MICALL1: variants seen among roughly 807,000 people sequenced by gnomAD.
MICALL1 encodes the protein MICAL-like protein 1.
Under a neutral mutation model 83.7 loss-of-function variants are expected in MICALL1, and 61 were observed. The ratio of observed to expected loss-of-function variants is 0.73; its 90% CI spans 0.59 to 0.90. The LOEUF (loss-of-function observed/expected upper bound fraction) is 0.90. MICALL1 is among the 40% of genes least tolerant of loss of function. The pLI, the probability that MICALL1 is intolerant of heterozygous loss-of-function variation, is 0.00. For synonymous variants in MICALL1, 481 were observed against 473.6 expected (o/e 1.02, Z -0.20); for missense variants, 1,066 against 1,152.0 (o/e 0.93, Z 1.08).
intron 13 of MICALL1, among the ~76,000 whole-genome samples, chr22:37,934,930 T>G (rs1250192879): frequency 1.4e-5 from 2 of 146,428 alleles, no homozygotes; most frequent in Non-Finnish European, 1.5e-5. Context: ...ATTTATTTAT[T>G]TATTTTTATT....
At chr22:37,939,878 CAGA>C (rs924864046) in intron 15 of MICALL1, among the ~76,000 whole-genome samples, 17 of 150,612 alleles carry the variant, frequency 1.1e-4, no homozygotes, top group African/African-American at 4.2e-4. Flanking sequence ...CGCCTGAGGT[CAGA>C]AGTTTGAGAT....
At position 37,906,503 on chromosome 22, in the gene MICALL1, G is replaced by A; in HGVS notation, c.81G>A (p.Leu27=). The A allele has an allele frequency of 8.0e-7, 1 of 1,257,016 alleles. No homozygotes were observed. Among genetic ancestry groups the A allele is most frequent in the Non-Finnish European group, 1.0e-6 (1 of 989,368 alleles). 77.9% of individuals were successfully genotyped at this position (1,257,016 alleles called of 1,614,324 possible). ...EGYRGVEIRD[L]SSSFRDGLAF... is the part of the protein sequence containing the mutation. ...ACCGCGGCGTGGAGATCCGCGACCT[G>A]AGCAGCTCCTTCCGGGACGGCCTGG... Residue 27 remains leucine (L), a synonymous_variant, in exon 1 of 16, where the codon CTG becomes CTA. Coordinates refer to ENST00000215957, the MANE Select transcript of MICALL1 (RefSeq NM_033386.4). This position sits in a 1 kb window ranked among gnomAD's most constrained non-coding sequence, Gnocchi z 4.4.
chr22:37,934,356 G>A (rs1929967198), intron 13 of MICALL1, among the ~76,000 whole-genome samples: 1 of 152,164 alleles, frequency 6.6e-6, no homozygotes, highest in African/African-American at 2.4e-5. Flanking sequence ...ATGTCCCTGA[G>A]TCTCAGTTTC....
Position 37,941,037 on chromosome 22 carries a change from C to A in MICALL1, c.*207C>A. On this transcript the variant is annotated 3_prime_UTR_variant, in exon 16 of 16. Transcript: ENST00000215957. Reference sequence around the variant, plus strand: ...TCTTGTTTCTTCTCCGAGCCCCAGGCAGCGGTGATTCAGCCCTGCCCAACC... The same window carrying A: ...TCTTGTTTCTTCTCCGAGCCCCAGGAAGCGGTGATTCAGCCCTGCCCAACC... 1.7e-6 allele frequency: 1 copy of A among 577,286 alleles called. No individual in the cohort carries two copies. The highest frequency in any genetic ancestry group is 2.9e-6 in the Non-Finnish European group (1 of 343,848). The allele number at this position is 577,286 out of a possible 1,614,324, so 35.8% of individuals were successfully genotyped here. A position where few individuals can be genotyped will look rare whatever the true frequency, so the allele number is the denominator to read the frequency against.
chr22:37,916,397 C>T (rs1928679698), intron 3 of MICALL1, among the ~76,000 whole-genome samples: 1 of 152,170 alleles, frequency 6.6e-6, no homozygotes, highest in Admixed American at 6.6e-5. Context: ...CCCCTAAATG[C>T]AAACCATTTT....
chr22:37,911,877 T>TTCTGAC, intron 1 of MICALL1, 75 bp from the exon 2 acceptor site: 2 of 1,465,310 alleles, frequency 1.4e-6, no homozygotes, highest in East Asian at 4.5e-5. Flanking sequence ...TTCAGCTCCT[T>TTCTGAC]TCTGACTCTG....
rs770076334 is a variant in MICALL1 at position 37,932,702 on chromosome 22, C to T, written c.2143+23C>T. The T allele has an allele frequency of 6.2e-7, 1 of 1,612,322 alleles. No individual in the cohort carries two copies. The highest frequency in any genetic ancestry group is 8.5e-7 in the Non-Finnish European group (1 of 1,179,414). ...ATGGTGCGGGAGCGGCTGGGAGGGC[C>T]TGCTGGGTGGGGCTGGGGGCAGGAG... On this transcript the variant is annotated intron_variant, in intron 11 of 15. Coordinates refer to ENST00000215957, the MANE Select transcript of MICALL1 (RefSeq NM_033386.4). The surrounding 1 kb of genome is among the most constrained non-coding windows in gnomAD (Gnocchi z 4.4).
chr22:37,933,321 GAGAAGGA>G (rs906287595), intron 13 of MICALL1, among the ~76,000 whole-genome samples: 2 of 152,170 alleles, frequency 1.3e-5, no homozygotes, highest in Non-Finnish European at 1.5e-5. Flanking sequence ...GCTGTGGTAG[GAGAAGGA>G]ACCGCACAGA....
rs772119393 is a variant in MICALL1 at position 37,932,994 on chromosome 22, G to A, written c.2235-45G>A. On this transcript the variant is annotated intron_variant, in intron 12 of 15. Coordinates refer to ENST00000215957, the MANE Select transcript of MICALL1 (RefSeq NM_033386.4). This position sits in a 1 kb window ranked among gnomAD's most constrained non-coding sequence, Gnocchi z 4.4. ...GTAACAGCGCAGGGCAGGGCAGCCG[G>A]GGCTCGGGCAGAATTGTTAAGAGTC... 13 of 1,613,434 alleles carry A rather than the reference G, an allele frequency of 8.1e-6. No individual in the cohort carries two copies. Among genetic ancestry groups the A allele is most frequent in the Middle Eastern group, 3.3e-4 (2 of 6,082 alleles).
chr22:37,910,934 G>A (rs752815847), intron 1 of MICALL1, among the ~76,000 whole-genome samples: 5 of 152,224 alleles, frequency 3.3e-5, no homozygotes, highest in African/African-American at 7.2e-5. Context: ...GAGGCGGCGT[G>A]GCCTGCTCTT....
In MICALL1 at chr22:37,925,708, C is replaced by T; in HGVS notation, c.1130C>T (p.Ala377Val). ...KDPPWITLVQ[A>V]EPKKKPAPLP... ...CCCCCATGGATCACGCTGGTGCAGG[C>T]AGAACCAAAGAAGAAGCCAGCCCCA... Residue 377 changes from alanine to valine, a missense_variant, in exon 8 of 16, where the codon GCA becomes GTA. By Grantham distance (64) the Ala-to-Val change is moderately conservative. Coordinates refer to ENST00000215957, the MANE Select transcript of MICALL1 (RefSeq NM_033386.4). The T allele has an allele frequency of 1.9e-6, 3 of 1,610,806 alleles. No individual in the cohort carries two copies. Among genetic ancestry groups the T allele is most frequent in the Non-Finnish European group, 2.5e-6 (3 of 1,179,410 alleles).
chr22:37,928,215 AT>A (rs1044085627), intron 9 of MICALL1, among the ~76,000 whole-genome samples: 1 of 121,704 alleles, frequency 8.2e-6, no homozygotes, highest in African/African-American at 3.2e-5. Context: ...CTTCTTTTTT[AT>A]TTTTTTTTGA....
At position 37,906,378 on chromosome 22, in the gene MICALL1, C is replaced by G; in HGVS notation, c.-45C>G. ...CGCGGCGGCCGCCGTCCCGGCCAAG[C>G]CGGGGCCCCGAAGCCAGAGCCGGAG... On this transcript the variant is annotated 5_prime_UTR_variant, in exon 1 of 16. Transcript: ENST00000215957. This position sits in a 1 kb window ranked among gnomAD's most constrained non-coding sequence, Gnocchi z 4.4. 1 of 1,053,790 alleles carries G rather than the reference C, an allele frequency of 9.5e-7. No individual in the cohort carries two copies. Among genetic ancestry groups the G allele is most frequent in the Admixed American group, 5.5e-5 (1 of 18,144 alleles). 65.3% of individuals were successfully genotyped at this position (1,053,790 alleles called of 1,614,324 possible). A position where few individuals can be genotyped will look rare whatever the true frequency, so the allele number is the denominator to read the frequency against.
At chr22:37,910,416 T>C (rs191949989) in intron 1 of MICALL1, among the ~76,000 whole-genome samples, 199 of 152,176 alleles carry the variant, frequency 1.3e-3, no homozygotes, top group Non-Finnish European at 2.5e-3. Flanking sequence ...AAGCCTCTGT[T>C]GGGGGCTGGG....
Position 37,935,609 on chromosome 22 carries a change from A to G in MICALL1, c.2309-1471A>G, listed in dbSNP as rs553106818. Among the ~76,000 whole-genome samples the G allele has an allele frequency of 1.7e-4, 25 of 148,364 alleles. No individual in the cohort carries two copies. In the South Asian group the frequency reaches 3.5e-3, roughly 21 times the overall value. On this transcript the variant is annotated intron_variant, in intron 13 of 15. Coordinates refer to ENST00000215957, the MANE Select transcript of MICALL1 (RefSeq NM_033386.4). The stretch of plus-strand genomic sequence containing the variant: ...ACTGTGACATCCAGGCTGAAGTGCA[A>G]TGGCGTGAACTCAGCTCACTGCAAC...
intron 3 of MICALL1, among the ~76,000 whole-genome samples, chr22:37,915,868 G>A (rs561174737): frequency 6.6e-6 from 1 of 151,996 alleles, no homozygotes. Context: ...TCTGGTCTGG[G>A]ATTTCTGACC....
Position 37,937,831 on chromosome 22 carries a change from A to T in MICALL1, c.2470+39A>T, listed in dbSNP as rs780087053. 1.9e-6 allele frequency: 3 copies of T among 1,611,888 alleles called. No individual in the cohort carries two copies. In the East Asian group the frequency reaches 6.7e-5, roughly 36 times the overall value. On this transcript the variant is annotated intron_variant, in intron 15 of 15. Coordinates refer to ENST00000215957, the MANE Select transcript of MICALL1 (RefSeq NM_033386.4). ...TGGGGATGAGGCTGGTGAGCACTTG[A>T]ACTTCGGCATTGGGGTTGGAAGGGA...
At chr22:37,917,911 G>T in intron 4 of MICALL1, 116 bp downstream of exon 4, 1 of 926,764 alleles carries the variant, frequency 1.1e-6, no homozygotes. Flanking sequence ...AGTGTTCAGA[G>T]GGTGCTTGTT....
Position 37,922,440 on chromosome 22 carries a change from A to G in MICALL1, c.1024+14A>G. 6.7e-7 allele frequency: 1 copy of G among 1,500,164 alleles called. No individual in the cohort carries two copies. The highest frequency in any genetic ancestry group is 1.3e-5 in the South Asian group (1 of 77,174). 92.9% of individuals were successfully genotyped at this position (1,500,164 alleles called of 1,614,324 possible). A position where few individuals can be genotyped will look rare whatever the true frequency, so the allele number is the denominator to read the frequency against. The stretch of plus-strand genomic sequence containing the variant: ...GCCTGGTGAACGGTGAGCAGGGTGC[A>G]GTCAGGGCAGGGGGCACCGGGTGGC... On this transcript the variant is annotated intron_variant, in intron 6 of 15. Coordinates refer to ENST00000215957, the MANE Select transcript of MICALL1 (RefSeq NM_033386.4).
Sources: gnomAD v4.1 joint callset for allele counts (sites outside exome capture counted in the v4.1 genomes callset) on GRCh38, gnomAD v4.1.1 for gene constraint, Gnocchi (gnomAD v3.1) non-coding constraint, MANE v1.5 for transcripts, NCBI Gene and HGNC (gene_info 2026-07-23, HGNC 2026-07-21) for gene names.